TBC1D16: variants seen among roughly 807,000 people sequenced by gnomAD.
TBC1D16 encodes the protein TBC1 domain family member 16.
TBC1D16 carries 58 observed loss-of-function variants against 74.7 expected under a neutral mutation model. That is an observed-to-expected ratio of 0.78 (90% CI 0.63 to 0.97). The LOEUF (loss-of-function observed/expected upper bound fraction) is 0.97, where lower values mean the gene tolerates loss of function less well. Among genes scored for constraint, TBC1D16 ranks in the 50% least tolerant of loss-of-function variants. The pLI is 0.00. For synonymous variants in TBC1D16, 493 were observed against 474.7 expected (o/e 1.04, Z -0.50); for missense variants, 1,014 against 1,079.5 (o/e 0.94, Z 0.85).
chr17:80,005,751 C>A (rs934931196), intron 3 of TBC1D16, among the ~76,000 whole-genome samples: 55 of 152,158 alleles, frequency 3.6e-4, no homozygotes, highest in African/African-American at 1.3e-3. Flanking sequence ...AGTAGGTGGG[C>A]TCACCTTCCA....
rs2031628249 is a variant in TBC1D16, at chr17:79,936,879, T to TGTGTGTGTGCATGCGTGC, written c.*3979_*3980insGCACGCATGCACACACAC. 6.7e-6 allele frequency: 1 copy of TGTGTGTGTGCATGCGTGC among 149,162 alleles called. No homozygotes were observed. Among genetic ancestry groups the TGTGTGTGTGCATGCGTGC allele is most frequent in the African/African-American group, 2.5e-5 (1 of 40,496 alleles). 9.2% of individuals were successfully genotyped at this position (149,162 alleles called of 1,614,324 possible). On this transcript the variant is annotated 3_prime_UTR_variant, in exon 12 of 12. Coordinates refer to ENST00000310924, the MANE Select transcript of TBC1D16 (RefSeq NM_019020.4). ...CTGCACCCCTGCACATATGTGTGTG[T>TGTGTGTGTGCATGCGTGC]GTGTGTGCATGCGTGCGTGTGTGCA...
intron 3 of TBC1D16, among the ~76,000 whole-genome samples, chr17:79,960,811 G>GAAAAAAAAAAAAAAAAAA (rs2033578708): frequency 2.5e-5 from 1 of 40,330 alleles, no homozygotes; most frequent in Non-Finnish European, 5.0e-5. Flanking sequence ...AAAAAAAAAC[G>GAAAAAAAAAAAAAAAAAA]AAGGAATGAA....
In TBC1D16 at chr17:79,979,566, T is replaced by C. The variant is rs1405585632; in HGVS notation, c.780-26748A>G. Among the ~76,000 whole-genome samples the C allele has an allele frequency of 6.6e-6, 1 of 152,102 alleles. No homozygotes were observed. The highest frequency in any genetic ancestry group is 1.9e-4 in the East Asian group (1 of 5,182). On this transcript the variant is annotated intron_variant, in intron 3 of 11. Coordinates refer to ENST00000310924, the MANE Select transcript of TBC1D16 (RefSeq NM_019020.4). The surrounding 1 kb of genome is among the most constrained non-coding windows in gnomAD (Gnocchi z 4.8). Reference sequence around the variant, plus strand: ...ACAGTCAATTAGTATCCAAATACTTTTAGGGGACAGAAAGACGCTCACGGT... The same window carrying C: ...ACAGTCAATTAGTATCCAAATACTTCTAGGGGACAGAAAGACGCTCACGGT...
intron 3 of TBC1D16, among the ~76,000 whole-genome samples, chr17:79,953,489 C>G (rs1056029859): frequency 6.6e-6 from 1 of 152,092 alleles, no homozygotes; most frequent in African/African-American, 2.4e-5. Context: ...TGGTATTACC[C>G]CATTGTAAAG....
At position 80,018,899 on chromosome 17, in the gene TBC1D16, C is replaced by T. The variant is rs527344642; in HGVS notation, c.-62-5290G>A. 1.0e-4 allele frequency among the ~76,000 whole-genome samples: 15 copies of T among 150,318 alleles called. No homozygotes were observed. In the South Asian group the frequency reaches 3.1e-3, roughly 31 times the overall value. The stretch of plus-strand genomic sequence containing the variant: ...TACAGGCGGGAGCCACCGCACCTGG[C>T]CTATTTTATGTCCTTAAAGTCTCCA... On this transcript the variant is annotated intron_variant, in intron 1 of 11. Transcript: ENST00000310924.
rs1389594764 is a variant in TBC1D16, at chr17:79,971,332, A to G, written c.780-18514T>C. ...GGCACCGCACCCGGCCCACACTCCCAGTATTTTTTAAGTTGCTTAACATTT... is the reference window on the plus strand; with the variant it reads ...GGCACCGCACCCGGCCCACACTCCCGGTATTTTTTAAGTTGCTTAACATTT... On this transcript the variant is annotated intron_variant, in intron 3 of 11. Transcript: ENST00000310924. The surrounding 1 kb of genome is among the most constrained non-coding windows in gnomAD (Gnocchi z 4.6). Among the ~76,000 whole-genome samples, 2 of 152,202 alleles carry G rather than the reference A, an allele frequency of 1.3e-5. No homozygotes were observed. The highest frequency in any genetic ancestry group is 1.3e-4 in the Admixed American group (2 of 15,272).
In TBC1D16 at chr17:79,971,926, C is replaced by T. The variant is rs965358019; in HGVS notation, c.780-19108G>A. Among the ~76,000 whole-genome samples the T allele has an allele frequency of 1.3e-5, 2 of 152,066 alleles. No individual in the cohort carries two copies. Among genetic ancestry groups the T allele is most frequent in the South Asian group, 2.1e-4 (1 of 4,814 alleles). On this transcript the variant is annotated intron_variant, in intron 3 of 11. Coordinates refer to ENST00000310924, the MANE Select transcript of TBC1D16 (RefSeq NM_019020.4). The surrounding 1 kb of genome is among the most constrained non-coding windows in gnomAD (Gnocchi z 4.6). ...GAAAGAGCCTGAGTGGGTGCAGGGA[C>T]AAGGAAGGTCTGCGGAGGACAGGTC...
Position 79,990,931 on chromosome 17 carries a change from T to C in TBC1D16, c.779+19229A>G, listed in dbSNP as rs1013223603. The stretch of plus-strand genomic sequence containing the variant: ...CGTGTCAGAATTGCCTTCCCAAGGC[T>C]GAACGTTCCGCTGGGTGTGTGTGGA... On this transcript the variant is annotated intron_variant, in intron 3 of 11. Coordinates refer to ENST00000310924, the MANE Select transcript of TBC1D16 (RefSeq NM_019020.4). The surrounding 1 kb of genome is among the most constrained non-coding windows in gnomAD (Gnocchi z 4.8). Among the ~76,000 whole-genome samples, 6 of 152,228 alleles carry C rather than the reference T, an allele frequency of 3.9e-5. No individual in the cohort carries two copies. The South Asian group carries it at 1.2e-3, about 31-fold the overall frequency.
Position 79,987,946 on chromosome 17 carries a change from T to A in TBC1D16, c.779+22214A>T, listed in dbSNP as rs1268039212. 6.6e-6 allele frequency among the ~76,000 whole-genome samples: 1 copy of A among 151,922 alleles called. No individual in the cohort carries two copies. Among genetic ancestry groups the A allele is most frequent in the Non-Finnish European group, 1.5e-5 (1 of 68,008 alleles). ...GAGGCTCTCGGATTTTACGCCTGCA[T>A]GAGATTTCGAGGGAAGAATCCTAAA... On this transcript the variant is annotated intron_variant, in intron 3 of 11. Transcript: ENST00000310924. This position sits in a 1 kb window ranked among gnomAD's most constrained non-coding sequence, Gnocchi z 5.2.
chr17:79,960,771 C>CAA (rs767000688), intron 3 of TBC1D16, among the ~76,000 whole-genome samples: 2 of 19,478 alleles, frequency 1.0e-4, no homozygotes, highest in Non-Finnish European at 2.8e-4. Flanking sequence ...ACCCAAAAAA[C>CAA]AAAAACCCAA....
chr17:80,019,821 A>G (rs1037475690), intron 1 of TBC1D16, among the ~76,000 whole-genome samples: 2 of 149,888 alleles, frequency 1.3e-5, no homozygotes, highest in African/African-American at 5.1e-5. Flanking sequence ...TTGGAATTAT[A>G]TCATATCTTG....
In TBC1D16 at chr17:79,932,362, G is replaced by C. The variant is rs941923123; in HGVS notation, c.*8497C>G. The C allele has an allele frequency of 6.6e-6, 1 of 152,240 alleles. No individual in the cohort carries two copies. The highest frequency in any genetic ancestry group is 1.5e-5 in the Non-Finnish European group (1 of 68,056). The allele number at this position is 152,240 out of a possible 1,614,324, so 9.4% of individuals were successfully genotyped here. ...CCTGGGTGACACTTATTATCCTTCA[G>C]TCTTTATTTTAAATAAGGCCCCTGT... On this transcript the variant is annotated 3_prime_UTR_variant, in exon 12 of 12. Transcript: ENST00000310924.
chr17:79,974,468 C>G (rs890449640), intron 3 of TBC1D16, among the ~76,000 whole-genome samples: 2 of 152,126 alleles, frequency 1.3e-5, no homozygotes, highest in Non-Finnish European at 2.9e-5. Context: ...GAACTCCTGA[C>G]CTCAGGTGAT....
chr17:79,949,696 C>T (rs2032879567), intron 7 of TBC1D16, 21 bp downstream of exon 7: 9 of 1,591,688 alleles, frequency 5.7e-6, no homozygotes, highest in African/African-American at 1.3e-5. Context: ...CGGGGTGGGC[C>T]GGGCTGGCCC....
Position 79,972,776 on chromosome 17 carries a change from C to T in TBC1D16, c.780-19958G>A, listed in dbSNP as rs536099028. On this transcript the variant is annotated intron_variant, in intron 3 of 11. Transcript: ENST00000310924. ...TGTGAATATACCCACTGCCACTCAA[C>T]TGTGCACTTACAAATGATTAAGGCT... Among the ~76,000 whole-genome samples the T allele has an allele frequency of 1.8e-3, 279 of 152,280 alleles. 1 individual carries two copies. Among genetic ancestry groups the T allele is most frequent in the Non-Finnish European group, 3.4e-3 (231 of 68,016 alleles).
At chr17:80,022,295 A>C (rs374237736) in intron 1 of TBC1D16, among the ~76,000 whole-genome samples, 1 of 149,806 alleles carries the variant, frequency 6.7e-6, no homozygotes, top group East Asian at 1.9e-4. Context: ...AAAACACTGA[A>C]ATCTATGATA....
intron 8 of TBC1D16, 145 bp downstream of exon 8, chr17:79,948,727 G>A (rs966593231): frequency 1.3e-5 from 15 of 1,119,872 alleles, no homozygotes; most frequent in South Asian, 4.2e-5. Context: ...CATGAGTAGC[G>A]TATCCTTCAC....
In TBC1D16 at chr17:79,954,927, G is replaced by C. The variant is rs1233619455; in HGVS notation, c.780-2109C>G. On this transcript the variant is annotated intron_variant, in intron 3 of 11. Transcript: ENST00000310924. This position sits in a 1 kb window ranked among gnomAD's most constrained non-coding sequence, Gnocchi z 5.5. ...GGCCAAGGTTTCCAGAAACCAGACA[G>C]AACACAGAGACTCGCTTTGGCAGTC... 6.6e-6 allele frequency among the ~76,000 whole-genome samples: 1 copy of C among 152,120 alleles called. No homozygotes were observed. Among genetic ancestry groups the C allele is most frequent in the Non-Finnish European group, 1.5e-5 (1 of 68,020 alleles).
intron 1 of TBC1D16, among the ~76,000 whole-genome samples, chr17:80,024,416 TAGAC>T (rs2143213687): frequency 2.2e-5 from 3 of 134,446 alleles, no homozygotes; most frequent in South Asian, 2.4e-4. Context: ...ACACACACCA[TAGAC>T]ACACACACTA....
Sources: allele counts gnomAD v4.1 joint callset (sites outside exome capture counted in the v4.1 genomes callset), GRCh38; gene constraint gnomAD v4.1.1; non-coding constraint Gnocchi (gnomAD v3.1); transcripts MANE v1.5; gene names NCBI Gene and HGNC (gene_info 2026-07-23, HGNC 2026-07-21).